CSMD3: variants seen among roughly 807,000 people sequenced by gnomAD.
The protein encoded by CSMD3 is CUB and sushi domain-containing protein 3.
In CSMD3, 177 loss-of-function variants were observed where a neutral mutation model predicts 435.2. The observed-to-expected ratio is 0.41, with a 90% CI of 0.36 to 0.46. The LOEUF (loss-of-function observed/expected upper bound fraction) is 0.46. Ranked by LOEUF, CSMD3 falls within the 20% of genes least tolerant of loss-of-function variation. The pLI, the probability that CSMD3 is intolerant of heterozygous loss-of-function variation, is 0.34. For missense variants in CSMD3, 4,265 were observed against 4,504.6 expected (o/e 0.95, Z 1.52); for synonymous variants, 1,656 against 1,520.5 (o/e 1.09, Z -2.07).
chr8:112,387,465 ATGTGTGTGTG>A (rs34034900), intron 36 of CSMD3, among the ~76,000 whole-genome samples: 8 of 144,212 alleles, frequency 5.5e-5, no homozygotes, highest in East Asian at 4.1e-4. Flanking sequence ...GTCATATATT[ATGTGTGTGTG>A]TGTGTGTGTG....
chr8:113,268,313 G>A (rs1293339283), intron 3 of CSMD3, among the ~76,000 whole-genome samples: 1 of 151,590 alleles, frequency 6.6e-6, no homozygotes, highest in Admixed American at 6.6e-5. Context: ...ATTAAACTTA[G>A]TATAAGTTAA....
At chr8:112,932,504 C>T (rs909650165) in intron 9 of CSMD3, among the ~76,000 whole-genome samples, 2 of 152,070 alleles carry the variant, frequency 1.3e-5, no homozygotes, top group African/African-American at 2.4e-5. Flanking sequence ...CCTTGGCCTC[C>T]CAAAGTGCTG....
chr8:112,679,212 A>C (rs1402526873), intron 16 of CSMD3, among the ~76,000 whole-genome samples: 1 of 152,096 alleles, frequency 6.6e-6, no homozygotes, highest in Admixed American at 6.6e-5. Context: ...TATAAACCTT[A>C]ATTAGAGGCT....
intron 9 of CSMD3, among the ~76,000 whole-genome samples, chr8:112,939,590 G>A (rs1220814240): frequency 1.3e-5 from 2 of 151,972 alleles, no homozygotes; most frequent in Non-Finnish European, 2.9e-5. Context: ...TTTTACAGAT[G>A]CAATGACATA....
intron 3 of CSMD3, 77 bp from the exon 4 acceptor site, chr8:113,173,993 T>C (rs1588205216): frequency 3.1e-6 from 3 of 982,322 alleles, no homozygotes; most frequent in Non-Finnish European, 1.6e-6. Context: ...TAAAATTATA[T>C]ATGTAGATAT....
intron 38 of CSMD3, among the ~76,000 whole-genome samples, chr8:112,370,266 TA>T (rs1162371257): frequency 1.3e-5 from 2 of 152,200 alleles, no homozygotes; most frequent in African/African-American, 4.8e-5. Flanking sequence ...TCTTGTGTCT[TA>T]TTGGAAATAA....
chr8:112,226,116 C>A (rs991237494), intron 70 of CSMD3, among the ~76,000 whole-genome samples: 3 of 152,050 alleles, frequency 2.0e-5, no homozygotes, highest in Non-Finnish European at 4.4e-5. Flanking sequence ...ATCACTAATG[C>A]ATTTTTCTGA....
At chr8:113,181,117 A>G (rs1016488066) in intron 3 of CSMD3, among the ~76,000 whole-genome samples, 2 of 152,152 alleles carry the variant, frequency 1.3e-5, no homozygotes, top group East Asian at 1.9e-4. Flanking sequence ...AGAGCAAGAC[A>G]GTACTGTCTT....
chr8:112,633,753 A>G (rs2131566927), intron 22 of CSMD3, among the ~76,000 whole-genome samples: 1 of 152,208 alleles, frequency 6.6e-6, no homozygotes, highest in Non-Finnish European at 1.5e-5. Context: ...AATAAAATGT[A>G]AAGTAAGTTT....
intron 38 of CSMD3, among the ~76,000 whole-genome samples, chr8:112,356,067 G>A (rs1044865087): frequency 2.6e-5 from 4 of 152,120 alleles, no homozygotes; most frequent in Non-Finnish European, 5.9e-5. Context: ...AAAAAGGAAT[G>A]CTTTTACACT....
intron 4 of CSMD3, among the ~76,000 whole-genome samples, chr8:113,122,543 C>T (rs910988368): frequency 6.6e-6 from 1 of 152,068 alleles, no homozygotes; most frequent in African/African-American, 2.4e-5. Context: ...AATATTTCAG[C>T]AGGCCCAATC....
At chr8:112,747,301 A>G (rs1263550571) in intron 13 of CSMD3, among the ~76,000 whole-genome samples, 1 of 145,018 alleles carries the variant, frequency 6.9e-6, no homozygotes, top group African/African-American at 2.5e-5. Flanking sequence ...GAGTAGACCT[A>G]CTAAGTTAAA....
intron 3 of CSMD3, among the ~76,000 whole-genome samples, chr8:113,209,864 T>C (rs2092812274): frequency 6.6e-6 from 1 of 152,106 alleles, no homozygotes; most frequent in Non-Finnish European, 1.5e-5. Context: ...GTTACATTCA[T>C]TTATTATGTT....
intron 32 of CSMD3, among the ~76,000 whole-genome samples, chr8:112,467,403 G>A (rs1273959633): frequency 6.6e-6 from 1 of 152,112 alleles, no homozygotes. Flanking sequence ...GACTATACTG[G>A]ATATCCTCAG....
At chr8:113,389,324 T>C (rs1283837147) in intron 1 of CSMD3, among the ~76,000 whole-genome samples, 2 of 151,652 alleles carry the variant, frequency 1.3e-5, no homozygotes, top group South Asian at 2.1e-4. Flanking sequence ...TCTCTAAAGC[T>C]AAAAACAATA....
At position 112,556,824 on chromosome 8, in the gene CSMD3, G is replaced by T. The variant is rs767071571; in HGVS notation, c.4173C>A (p.Ser1391Arg). The T allele has an allele frequency of 1.9e-6, 3 of 1,612,536 alleles. No individual in the cohort carries two copies. Among genetic ancestry groups the T allele is most frequent in the South Asian group, 1.1e-5 (1 of 91,052 alleles). ...TCTCCCCTGTCATGCACTTGAGAAG[G>T]CTACTTCCGTGGAGAGTGTAGCCTG... ...CNPGYTLHGS[S>R]LLKCMTGERR... Residue 1391 changes from serine to arginine, a missense_variant, in exon 25 of 71, where the codon AGC (serine) becomes AGA (arginine). Physicochemically the swap from Ser to Arg is moderately radical, Grantham distance 110 (BLOSUM62 -1). Transcript: ENST00000297405.
At chr8:112,458,986 C>T (rs1018965369) in intron 32 of CSMD3, among the ~76,000 whole-genome samples, 1 of 152,010 alleles carries the variant, frequency 6.6e-6, no homozygotes, top group African/African-American at 2.4e-5. Context: ...TCTCACTCAT[C>T]CCTACTATCT....
At chr8:113,202,646 G>A (rs574246479) in intron 3 of CSMD3, among the ~76,000 whole-genome samples, 34 of 152,176 alleles carry the variant, frequency 2.2e-4, no homozygotes, top group African/African-American at 8.2e-4. Context: ...AAGCACTTAT[G>A]TCAAGGTTGC....
chr8:112,666,748 G>A (rs2075535271), intron 16 of CSMD3, among the ~76,000 whole-genome samples: 1 of 152,070 alleles, frequency 6.6e-6, no homozygotes, highest in Non-Finnish European at 1.5e-5. Context: ...AACCTAAGTT[G>A]TTAGCTTTGG....
Sources: gnomAD v4.1 joint callset for allele counts (sites outside exome capture counted in the v4.1 genomes callset) on GRCh38, gnomAD v4.1.1 for gene constraint, MANE v1.5 for transcripts, NCBI Gene and HGNC (gene_info 2026-07-23, HGNC 2026-07-21) for gene names.